SATL1: variants seen among roughly 807,000 people sequenced by gnomAD.
SATL1 encodes spermidine/spermine N(1)-acetyltransferase-like protein 1.
Under a neutral mutation model 51.8 loss-of-function variants are expected in SATL1, and 47 were observed. The ratio of observed to expected loss-of-function variants is 0.91; its 90% CI spans 0.72 to 1.16. The LOEUF is 1.16. Among genes scored for constraint, SATL1 ranks in the 50% most tolerant of loss-of-function variants. SATL1 has a pLI of 0.00. For synonymous variants in SATL1, 176 were observed against 182.4 expected (o/e 0.97, Z 0.28); for missense variants, 520 against 526.4 (o/e 0.99, Z 0.12).
chrX:85,125,615 T>G (rs1925608445), intron 2 of SATL1, among the ~76,000 whole-genome samples: 1 of 108,574 alleles, frequency 9.2e-6, no homozygotes, highest in African/African-American at 3.4e-5. Flanking sequence ...TAGATACAAC[T>G]TATAAACTCT....
chrX:85,145,469 T>C (rs1468321831), intron 2 of SATL1, among the ~76,000 whole-genome samples: 2 of 112,032 alleles, frequency 1.8e-5, no homozygotes, highest in Non-Finnish European at 3.8e-5. Context: ...TTTTTTGTGA[T>C]TCATTCCTAG....
chrX:85,238,888 A>T (rs1928531179), intron 1 of SATL1, among the ~76,000 whole-genome samples: 1 of 110,886 alleles, frequency 9.0e-6, no homozygotes, highest in African/African-American at 3.3e-5. Flanking sequence ...ATACAATAAA[A>T]TTGTCAAACT....
intron 2 of SATL1, among the ~76,000 whole-genome samples, chrX:85,194,788 C>T (rs750046829): frequency 3.7e-4 from 38 of 102,326 alleles, no homozygotes; most frequent in Admixed American, 2.7e-3. Flanking sequence ...AAACCAAGCA[C>T]TTCATATTCT....
intron 2 of SATL1, chrX:85,116,252 A>T (rs1414748900): frequency 8.9e-6 from 1 of 111,883 alleles, no homozygotes; most frequent in Non-Finnish European, 1.9e-5. Context: ...AGGCAGAAGG[A>T]GAGACTGAGG....
intron 2 of SATL1, among the ~76,000 whole-genome samples, chrX:85,126,329 ACT>A (rs910224394): frequency 5.4e-5 from 6 of 111,260 alleles, no homozygotes; most frequent in African/African-American, 2.0e-4. Flanking sequence ...TGTATGTTTT[ACT>A]CACATGTAAA....
At chrX:85,214,219 C>A (rs1475419443) in intron 2 of SATL1, among the ~76,000 whole-genome samples, 1 of 111,727 alleles carries the variant, frequency 9.0e-6, no homozygotes, top group Non-Finnish European at 1.9e-5. Flanking sequence ...ACATCTATTT[C>A]TGGTGAGGGC....
At chrX:85,167,890 C>T (rs1341229502) in intron 2 of SATL1, among the ~76,000 whole-genome samples, 1 of 110,836 alleles carries the variant, frequency 9.0e-6, no homozygotes. Flanking sequence ...AAAATACTAG[C>T]AAGCCTAATT....
At chrX:85,158,431 T>C (rs1216079360) in intron 2 of SATL1, among the ~76,000 whole-genome samples, 1 of 111,825 alleles carries the variant, frequency 8.9e-6, no homozygotes, top group East Asian at 2.8e-4. Context: ...CAGAAAGGGG[T>C]GCTCCATAGT....
rs1358591353 is a variant in SATL1 at position 85,092,372 on chromosome X, A to G, written c.*19T>C. On this transcript the variant is annotated 3_prime_UTR_variant, in exon 8 of 8. Coordinates refer to ENST00000644105, the MANE Select transcript of SATL1 (RefSeq NM_001367857.2). ...AAATGTTGGAGGCTGTGTTGGGATGAGTTGTTACAAAGCCTCTTTCATTCT... is the reference window on the plus strand; with the variant it reads ...AAATGTTGGAGGCTGTGTTGGGATGGGTTGTTACAAAGCCTCTTTCATTCT... 1 of 1,155,757 alleles carries G rather than the reference A, an allele frequency of 8.7e-7. No individual in the cohort carries two copies. Among genetic ancestry groups the G allele is most frequent in the Non-Finnish European group, 1.2e-6 (1 of 867,942 alleles).
chrX:85,129,461 G>A (rs1293373000), intron 2 of SATL1, among the ~76,000 whole-genome samples: 1 of 111,635 alleles, frequency 9.0e-6, no homozygotes, highest in Non-Finnish European at 1.9e-5. Flanking sequence ...TGTTATTGGT[G>A]TATAAGAATG....
intron 2 of SATL1, among the ~76,000 whole-genome samples, chrX:85,160,869 ATCATCAGTTTC>A (rs749997804): frequency 1.1e-4 from 12 of 111,275 alleles, no homozygotes; most frequent in Admixed American, 8.6e-4. Context: ...TGAGACACAC[ATCATCAGTTTC>A]TCCAAGGTTG....
chrX:85,226,559 C>T (rs906587443), intron 1 of SATL1, among the ~76,000 whole-genome samples: 1 of 111,368 alleles, frequency 9.0e-6, no homozygotes, highest in African/African-American at 3.3e-5. Context: ...ATTCCCTGTC[C>T]ACATGGAGCT....
chrX:85,111,382 T>C (rs1280662212), intron 2 of SATL1, among the ~76,000 whole-genome samples: 1 of 112,570 alleles, frequency 8.9e-6, no homozygotes, highest in Non-Finnish European at 1.9e-5. Context: ...ACATTTTTGC[T>C]TAAAGTTACT....
chrX:85,226,012 G>T (rs1928271879), intron 1 of SATL1, among the ~76,000 whole-genome samples: 1 of 110,243 alleles, frequency 9.1e-6, no homozygotes, highest in Non-Finnish European at 1.9e-5. Flanking sequence ...GATATTACTA[G>T]AATTATATAA....
intron 2 of SATL1, among the ~76,000 whole-genome samples, chrX:85,161,619 C>A (rs772648009): frequency 6.3e-5 from 7 of 111,359 alleles, no homozygotes; most frequent in Non-Finnish European, 1.1e-4. Context: ...GAAGACCTAA[C>A]TATCCTAAAT....
chrX:85,191,423 C>T (rs1249284364), intron 2 of SATL1, among the ~76,000 whole-genome samples: 2 of 110,844 alleles, frequency 1.8e-5, no homozygotes, highest in South Asian at 3.8e-4. Context: ...ATGATCATTT[C>T]TTTGTGATGA....
At chrX:85,095,622 C>T (rs892910022) in intron 4 of SATL1, among the ~76,000 whole-genome samples, 6 of 106,972 alleles carry the variant, frequency 5.6e-5, no homozygotes, top group Non-Finnish European at 7.7e-5. Flanking sequence ...GTCAGGAGAT[C>T]GAGACCATCC....
At chrX:85,210,969 T>C (rs1373989259) in intron 2 of SATL1, 2 of 111,578 alleles carry the variant, frequency 1.8e-5, no homozygotes, top group African/African-American at 6.5e-5. Context: ...ACTTAACCTC[T>C]ATCTTACCCT....
chrX:85,129,740 T>G (rs934944050), intron 2 of SATL1, among the ~76,000 whole-genome samples: 1 of 111,684 alleles, frequency 9.0e-6, no homozygotes, highest in African/African-American at 3.3e-5. Flanking sequence ...TCAAAGGGAA[T>G]GCTTCCAGTT....
Sources: allele counts gnomAD v4.1 joint callset (sites outside exome capture counted in the v4.1 genomes callset), GRCh38; gene constraint gnomAD v4.1.1; transcripts MANE v1.5; gene names NCBI Gene and HGNC (gene_info 2026-07-23, HGNC 2026-07-21).